Variants in KDM4B observed in about 807,000 individuals in gnomAD.
The protein encoded by KDM4B is lysine-specific demethylase 4B.
In KDM4B, 32 loss-of-function variants were observed where a neutral mutation model predicts 125.2. That is an observed-to-expected ratio of 0.26 (90% CI 0.19 to 0.34). The LOEUF is 0.34. Ranked by LOEUF, KDM4B falls within the 10% of genes least tolerant of loss-of-function variation. The pLI, the probability that KDM4B is intolerant of heterozygous loss-of-function variation, is 1.00. For missense variants in KDM4B, 1,190 were observed against 1,577.7 expected (o/e 0.75, Z 4.16); for synonymous variants, 721 against 677.9 (o/e 1.06, Z -0.99).
intron 1 of KDM4B, among the ~76,000 whole-genome samples, chr19:4,977,933 C>G (rs940158211): frequency 6.6e-6 from 1 of 152,196 alleles, no homozygotes; most frequent in Non-Finnish European, 1.5e-5. Flanking sequence ...GGGACAGTCG[C>G]GTCATGTTGC....
chr19:5,148,393 C>T (rs2039888032), intron 21 of KDM4B, among the ~76,000 whole-genome samples: 2 of 152,330 alleles, frequency 1.3e-5, no homozygotes, highest in South Asian at 4.1e-4. Context: ...CGCCATCCTC[C>T]TAGGCGGTTC....
At chr19:5,126,663 G>GCCA in intron 11 of KDM4B, among the ~76,000 whole-genome samples, 1 of 152,230 alleles carries the variant, frequency 6.6e-6, no homozygotes, top group South Asian at 2.1e-4. Flanking sequence ...TCTGGAGGGC[G>GCCA]GCCCCAGCTC....
rs532852048 is a variant in KDM4B at position 5,115,361 on chromosome 19, C to T, written c.1116-4292C>T. ...GCCTTCCTGGGGTCAGCAGTGGGGC[C>T]CAGCTGCCAGCCTCACATCCCCCCA... On this transcript the variant is annotated intron_variant, in intron 10 of 22. Coordinates refer to ENST00000159111, the MANE Select transcript of KDM4B (RefSeq NM_015015.3). The surrounding 1 kb of genome is among the most constrained non-coding windows in gnomAD (Gnocchi z 4.2). 5.9e-5 allele frequency among the ~76,000 whole-genome samples: 9 copies of T among 152,238 alleles called. No homozygotes were observed. In the East Asian group the frequency reaches 1.5e-3, roughly 26 times the overall value.
intron 11 of KDM4B, among the ~76,000 whole-genome samples, chr19:5,125,764 G>A (rs2039437589): frequency 6.6e-6 from 1 of 152,254 alleles, no homozygotes; most frequent in Middle Eastern, 3.4e-3. Flanking sequence ...GCTCAGGACT[G>A]GTGCTGCCCA....
At chr19:5,096,608 C>T (rs967331110) in intron 9 of KDM4B, among the ~76,000 whole-genome samples, 6 of 150,342 alleles carry the variant, frequency 4.0e-5, no homozygotes, top group South Asian at 2.1e-4. Context: ...CCTGTTGCCG[C>T]GGTGCCCCCG....
chr19:5,150,533 C>T, intron 22 of KDM4B, 83 bp downstream of exon 22: 1 of 1,009,220 alleles, frequency 9.9e-7, no homozygotes. Flanking sequence ...CTGCGTCTTC[C>T]AATGGCGTGG....
intron 2 of KDM4B, among the ~76,000 whole-genome samples, chr19:5,025,999 C>T (rs2036266378): frequency 6.6e-6 from 1 of 152,056 alleles, no homozygotes; most frequent in Non-Finnish European, 1.5e-5. Flanking sequence ...TGTCCTGCCT[C>T]AGTCTCCCAA....
intron 6 of KDM4B, among the ~76,000 whole-genome samples, chr19:5,070,073 C>T (rs374543650): frequency 7.2e-5 from 11 of 152,086 alleles, no homozygotes; most frequent in Admixed American, 2.0e-4. Flanking sequence ...TGTTCTAGAA[C>T]GGGAGCTGTT....
chr19:5,101,189 T>C (rs1599185836), intron 9 of KDM4B, among the ~76,000 whole-genome samples: 1 of 125,514 alleles, frequency 8.0e-6, no homozygotes, highest in Non-Finnish European at 1.6e-5. Flanking sequence ...GCCATTGCGC[T>C]CCAACCTGGG....
At chr19:5,090,433 TCCC>T (rs553139646) in intron 9 of KDM4B, among the ~76,000 whole-genome samples, 1 of 55,982 alleles carries the variant, frequency 1.8e-5, no homozygotes, top group East Asian at 6.4e-4. Context: ...TGTCTCTCTC[TCCC>T]CCATCTCTCT....
chr19:5,019,255 C>G (rs1434876505), intron 2 of KDM4B, among the ~76,000 whole-genome samples: 1 of 119,330 alleles, frequency 8.4e-6, no homozygotes. Context: ...TATTGGTGTG[C>G]AGGTGTTGGT....
At chr19:5,103,607 G>C (rs961062034) in intron 9 of KDM4B, among the ~76,000 whole-genome samples, 1 of 152,202 alleles carries the variant, frequency 6.6e-6, no homozygotes, top group African/African-American at 2.4e-5. Context: ...CCCTGAACTC[G>C]ACGGCCATCA....
intron 1 of KDM4B, among the ~76,000 whole-genome samples, chr19:5,008,942 G>A (rs1052722723): frequency 7.9e-6 from 1 of 127,142 alleles, no homozygotes; most frequent in African/African-American, 3.2e-5. Flanking sequence ...TAAAGACAGA[G>A]TTTCGCTGTG....
chr19:5,123,510 C>T (rs1400945250), intron 11 of KDM4B, among the ~76,000 whole-genome samples: 7 of 152,238 alleles, frequency 4.6e-5, no homozygotes, highest in African/African-American at 7.2e-5. Flanking sequence ...TCTGCAGTGA[C>T]GCCCTTCCCA....
chr19:5,077,733 A>G (rs1243275345), intron 8 of KDM4B: 1 of 457,168 alleles, frequency 2.2e-6, no homozygotes, highest in Non-Finnish European at 3.9e-6. Context: ...GGGTGTGGCC[A>G]TCAGAGGCCC....
chr19:5,099,745 C>A (rs560932209), intron 9 of KDM4B, among the ~76,000 whole-genome samples: 2 of 152,264 alleles, frequency 1.3e-5, no homozygotes, highest in African/African-American at 4.8e-5. Flanking sequence ...TATAAAAGAG[C>A]CCCCAGAGAG....
intron 20 of KDM4B, 107 bp from the exon 21 acceptor site, chr19:5,144,676 C>A: frequency 1.3e-6 from 2 of 1,494,642 alleles, no homozygotes; most frequent in South Asian, 2.5e-5. Context: ...AGCTTTGGGG[C>A]TTCAGGCAGA....
intron 9 of KDM4B, among the ~76,000 whole-genome samples, chr19:5,107,961 C>T (rs1040427751): frequency 2.0e-5 from 3 of 152,258 alleles, no homozygotes; most frequent in African/African-American, 7.2e-5. Context: ...GGAATGCTCC[C>T]AGCCGCCACC....
intron 15 of KDM4B, among the ~76,000 whole-genome samples, chr19:5,136,670 T>C (rs2039654143): frequency 6.6e-6 from 1 of 151,982 alleles, no homozygotes; most frequent in South Asian, 2.1e-4. Flanking sequence ...CCTGCTGCTC[T>C]GGAGGCAGTG....
Sources: allele counts gnomAD v4.1 joint callset (sites outside exome capture counted in the v4.1 genomes callset), GRCh38; gene constraint gnomAD v4.1.1; non-coding constraint Gnocchi (gnomAD v3.1); transcripts MANE v1.5; gene names NCBI Gene and HGNC (gene_info 2026-07-23, HGNC 2026-07-21).